The following GFM2 variants were observed in gnomAD, a reference collection of about 807,000 sequenced individuals.
GFM2 encodes the protein GTP dependent ribosome recycling factor mitochondrial 2.
GFM2 carries 72 observed loss-of-function variants against 95.4 expected under a neutral mutation model. The observed-to-expected ratio is 0.76, with a 90% CI of 0.62 to 0.92. The LOEUF (loss-of-function observed/expected upper bound fraction) is 0.92, where lower values mean the gene tolerates loss of function less well. Ranked by LOEUF, GFM2 falls within the 40% of genes least tolerant of loss-of-function variation. GFM2 has a pLI of 0.00. For missense variants in GFM2, 825 were observed against 924.1 expected (o/e 0.89, Z 1.39); for synonymous variants, 276 against 317.5 (o/e 0.87, Z 1.39).
intron 17 of GFM2, among the ~76,000 whole-genome samples, chr5:74,726,942 G>A (rs1425552631): frequency 2.0e-5 from 3 of 152,158 alleles, no homozygotes; most frequent in Non-Finnish European, 4.4e-5. Flanking sequence ...CAAAGTGGGA[G>A]GATTACTTGA....
At chr5:74,739,867 C>T in intron 12 of GFM2, 122 bp downstream of exon 12, 1 of 641,218 alleles carries the variant, frequency 1.6e-6, no homozygotes, top group Non-Finnish European at 2.5e-6. Context: ...CTTATTACAT[C>T]ATTTGCAATA....
At chr5:74,724,113 A>G (rs1332462688) in intron 19 of GFM2, among the ~76,000 whole-genome samples, 1 of 152,192 alleles carries the variant, frequency 6.6e-6, no homozygotes, top group Non-Finnish European at 1.5e-5. Context: ...TAACGAATTA[A>G]CACTAATGAC....
chr5:74,751,315 CA>C, intron 6 of GFM2, 52 bp downstream of exon 6: 12 of 1,549,558 alleles, frequency 7.7e-6, no homozygotes, highest in South Asian at 2.4e-5. Context: ...CCCAGAAAAA[CA>C]AAAAAACTCC....
intron 5 of GFM2, among the ~76,000 whole-genome samples, chr5:74,752,607 C>T (rs1045139663): frequency 1.3e-5 from 2 of 152,104 alleles, no homozygotes; most frequent in African/African-American, 4.8e-5. Flanking sequence ...CTAAATGAGA[C>T]AGTAAGTTTT....
intron 5 of GFM2, among the ~76,000 whole-genome samples, chr5:74,754,512 GA>G (rs1436595334): frequency 2.6e-5 from 4 of 151,982 alleles, no homozygotes; most frequent in South Asian, 2.1e-4. Flanking sequence ...GTAAAGGGGG[GA>G]AAAAGATACC....
At chr5:74,755,318 G>C (rs1350614687) in intron 5 of GFM2, among the ~76,000 whole-genome samples, 1 of 152,056 alleles carries the variant, frequency 6.6e-6, no homozygotes, top group Non-Finnish European at 1.5e-5. Flanking sequence ...AATAAAACTG[G>C]AAATCAACTC....
intron 19 of GFM2, among the ~76,000 whole-genome samples, chr5:74,724,447 G>A (rs1403425133): frequency 6.6e-6 from 1 of 150,430 alleles, no homozygotes; most frequent in Non-Finnish European, 1.5e-5. Flanking sequence ...AGACCAGCCT[G>A]GGCAACATAG....
chr5:74,766,112 C>T (rs1249044828), intron 1 of GFM2, among the ~76,000 whole-genome samples: 1 of 152,182 alleles, frequency 6.6e-6, no homozygotes, highest in Admixed American at 6.5e-5. Flanking sequence ...TCGAGACCAG[C>T]CTGGGCAACA....
intron 5 of GFM2, among the ~76,000 whole-genome samples, chr5:74,752,650 A>T (rs1743777945): frequency 6.6e-6 from 1 of 152,222 alleles, no homozygotes; most frequent in African/African-American, 2.4e-5. Flanking sequence ...GCATTTTCAC[A>T]ATTATAAAGA....
chr5:74,758,670 T>C (rs1462789893), intron 5 of GFM2, among the ~76,000 whole-genome samples, 179 bp downstream of exon 5: 1 of 152,240 alleles, frequency 6.6e-6, no homozygotes, highest in Non-Finnish European at 1.5e-5. Context: ...TCTGAATATT[T>C]AGTTGAATCT....
intron 7 of GFM2, 79 bp from the exon 8 acceptor site, chr5:74,747,859 A>G: frequency 1.3e-6 from 1 of 748,448 alleles, no homozygotes; most frequent in Non-Finnish European, 2.2e-6. Context: ...GAGATCCAAA[A>G]ATCTACTGTC....
chr5:74,721,213 C>CAATCAACTTTATTTTGAAA lies in GFM2; in HGVS notation c.*423_*441dup. 7.0e-7 allele frequency: 1 copy of CAATCAACTTTATTTTGAAA among 1,432,118 alleles called. No individual in the cohort carries two copies. The highest frequency in any genetic ancestry group is 1.4e-5 in the African/African-American group (1 of 71,344). The allele number at this position is 1,432,118 out of a possible 1,614,324, so 88.7% of individuals were successfully genotyped here. A position where few individuals can be genotyped will look rare whatever the true frequency, so the allele number is the denominator to read the frequency against. ...AAAAAGGCCACAGCAATCTGTACTA[C>CAATCAACTTTATTTTGAAA]AATCAACTTTATTTTGAAATCATGT... On this transcript the variant is annotated 3_prime_UTR_variant, in exon 21 of 21. Coordinates refer to ENST00000296805, the MANE Select transcript of GFM2 (RefSeq NM_032380.5).
Position 74,738,544 on chromosome 5 carries a change from A to C in GFM2, c.1178T>G (p.Ile393Arg), listed in dbSNP as rs1350209707. The C allele has an allele frequency of 6.2e-7, 1 of 1,613,648 alleles. No homozygotes were observed. The highest frequency in any genetic ancestry group is 1.3e-5 in the African/African-American group (1 of 75,018). ...ATTATGAATGGCCAACTGGGGTTTT[A>C]TAGTGCCTGAGTAAATGCGCATAAA... ...LVFMRIYSGT[I>R]KPQLAIHNIN... Residue 393 changes from isoleucine to arginine, a missense_variant, in exon 13 of 21, where the codon ATA becomes AGA. Physicochemically the swap from Ile to Arg is moderately conservative, Grantham distance 97. Transcript: ENST00000296805.
chr5:74,766,191 C>T (rs1744589310), intron 1 of GFM2, among the ~76,000 whole-genome samples: 1 of 152,164 alleles, frequency 6.6e-6, no homozygotes, highest in Non-Finnish European at 1.5e-5. Context: ...CTGTAGCTCG[C>T]TACTTTTGAG....
chr5:74,727,076 G>A (rs1750180248), intron 17 of GFM2, among the ~76,000 whole-genome samples: 1 of 152,146 alleles, frequency 6.6e-6, no homozygotes, highest in Non-Finnish European at 1.5e-5. Context: ...ACTGAGGCGG[G>A]AGGATTGCTG....
chr5:74,764,778 GTTTT>G (rs757160377), intron 1 of GFM2, among the ~76,000 whole-genome samples: 6 of 70,488 alleles, frequency 8.5e-5, no homozygotes, highest in Admixed American at 5.7e-4. Context: ...TCCCTTTGTT[GTTTT>G]TTTTTTTTTT....
At chr5:74,753,257 C>G (rs1049326779) in intron 5 of GFM2, among the ~76,000 whole-genome samples, 2 of 152,048 alleles carry the variant, frequency 1.3e-5, no homozygotes, top group Admixed American at 6.6e-5. Context: ...TAGACAAATG[C>G]AAAATACACT....
At chr5:74,745,261 C>T (rs1410528992) in intron 10 of GFM2, among the ~76,000 whole-genome samples, 2 of 152,176 alleles carry the variant, frequency 1.3e-5, no homozygotes, top group African/African-American at 4.8e-5. Context: ...AGGAGAATCA[C>T]TGGAACCTGG....
intron 5 of GFM2, 139 bp downstream of exon 5, chr5:74,758,710 A>G: frequency 1.6e-6 from 1 of 610,778 alleles, no homozygotes; most frequent in Non-Finnish European, 3.0e-6. Context: ...TATTGCAACT[A>G]TCTTATCTTT....
Sources: gnomAD v4.1 joint callset for allele counts (sites outside exome capture counted in the v4.1 genomes callset) on GRCh38, gnomAD v4.1.1 for gene constraint, MANE v1.5 for transcripts, NCBI Gene and HGNC (gene_info 2026-07-23, HGNC 2026-07-21) for gene names.